Variants in BICD1 observed in about 807,000 individuals in gnomAD.
BICD1 encodes the protein protein bicaudal D homolog 1.
BICD1 carries 35 observed loss-of-function variants against 92.5 expected under a neutral mutation model. The ratio of observed to expected loss-of-function variants is 0.38; its 90% CI spans 0.29 to 0.50. The LOEUF (loss-of-function observed/expected upper bound fraction) is 0.50. BICD1 is among the 20% of genes least tolerant of loss of function. The pLI is 0.93. For synonymous variants in BICD1, 429 were observed against 465.1 expected, an observed-to-expected ratio of 0.92 and a Z score of 1.00; for missense variants, 950 against 1,189.8, an observed-to-expected ratio of 0.80 and a Z score of 2.97.
chr12:32,159,334 G>A (rs541035770), intron 1 of BICD1, among the ~76,000 whole-genome samples: 1 of 152,266 alleles, frequency 6.6e-6, no homozygotes, highest in Non-Finnish European at 1.5e-5. Flanking sequence ...CACAGAATCT[G>A]CTCTTCAGGC....
chr12:32,338,980 G>C lies in BICD1; in HGVS notation c.2764+1G>C, dbSNP rs780684968. 11 of 1,586,348 alleles carry C rather than the reference G, an allele frequency of 6.9e-6. No individual in the cohort carries two copies. The Admixed American group carries it at 1.9e-4, about 27-fold the overall frequency. On this transcript the variant is annotated splice_donor_variant, in intron 8 of 9. Coordinates refer to ENST00000652176, the MANE Select transcript of BICD1 (RefSeq NM_001714.4). LOFTEE classifies it high-confidence loss of function. ...AAAAGGTTAACCGTGGCTCCACCAGGTAAACATTTTTTCCTTGGGTGCATG... is the reference window on the plus strand; with the variant it reads ...AAAAGGTTAACCGTGGCTCCACCAGCTAAACATTTTTTCCTTGGGTGCATG...
At chr12:32,224,904 G>T (rs1250174139) in intron 2 of BICD1, among the ~76,000 whole-genome samples, 1 of 152,174 alleles carries the variant, frequency 6.6e-6, no homozygotes, top group African/African-American at 2.4e-5. Context: ...GTTTCACTAT[G>T]TTGGCCAGGC....
Position 32,374,239 on chromosome 12 carries a change from GA to G in BICD1, c.2841-3293del, listed in dbSNP as rs1014235542. Among the ~76,000 whole-genome samples, 8 of 150,784 alleles carry G rather than the reference GA, an allele frequency of 5.3e-5. No homozygotes were observed. In the East Asian group the frequency reaches 5.8e-4, roughly 11 times the overall value. The stretch of plus-strand genomic sequence containing the variant: ...AAAAAAAAAAGAAAAGAAAAGAAAA[GA>G]AAAAAAAGCCATATCTTTCTTGTGT... On this transcript the variant is annotated intron_variant, in intron 9 of 9. Transcript: ENST00000652176.
chr12:32,185,229 A>C (rs1311850174), intron 1 of BICD1, among the ~76,000 whole-genome samples: 3 of 152,180 alleles, frequency 2.0e-5, no homozygotes, highest in African/African-American at 7.2e-5. Context: ...ATTCTCTACC[A>C]CTCACAGGAA....
At chr12:32,181,985 T>A (rs1944284450) in intron 1 of BICD1, among the ~76,000 whole-genome samples, 1 of 152,026 alleles carries the variant, frequency 6.6e-6, no homozygotes, top group African/African-American at 2.4e-5. Context: ...AGATGCATTC[T>A]GTTTACAAAG....
intron 2 of BICD1, among the ~76,000 whole-genome samples, chr12:32,241,853 A>T (rs1946245148): frequency 1.3e-5 from 2 of 152,024 alleles, no homozygotes; most frequent in Non-Finnish European, 2.9e-5. Flanking sequence ...CTAGATTTCC[A>T]GGAAATTTTA....
chr12:32,235,923 G>A lies in BICD1; in HGVS notation c.426+19464G>A, dbSNP rs183918372. ...TCACCATGTTGGCCAGACTGGTCTC[G>A]ATCTCTTGACCTCGTGATCTGCCCT... On this transcript the variant is annotated intron_variant, in intron 2 of 9. Coordinates refer to ENST00000652176, the MANE Select transcript of BICD1 (RefSeq NM_001714.4). Among the ~76,000 whole-genome samples, 245 of 148,582 alleles carry A rather than the reference G, an allele frequency of 1.6e-3. 1 individual carries two copies. The highest frequency in any genetic ancestry group is 5.8e-3 in the African/African-American group (228 of 39,140).
chr12:32,360,858 T>C (rs1939298200), intron 8 of BICD1, among the ~76,000 whole-genome samples: 1 of 152,174 alleles, frequency 6.6e-6, no homozygotes, highest in Admixed American at 6.5e-5. Flanking sequence ...GAGAAATAAA[T>C]GCTAAATGAC....
At chr12:32,157,904 C>T in intron 1 of BICD1, among the ~76,000 whole-genome samples, 1 of 152,116 alleles carries the variant, frequency 6.6e-6, no homozygotes. Flanking sequence ...TGGCTCCCCA[C>T]TATTAGCTGT....
intron 1 of BICD1, among the ~76,000 whole-genome samples, chr12:32,191,478 G>A (rs1183506778): frequency 6.6e-6 from 1 of 150,992 alleles, no homozygotes; most frequent in African/African-American, 2.4e-5. Flanking sequence ...AAGTCTGTTG[G>A]CAACGTTTTT....
intron 1 of BICD1, among the ~76,000 whole-genome samples, chr12:32,176,060 A>G (rs1045494809): frequency 3.3e-5 from 5 of 152,198 alleles, no homozygotes; most frequent in African/African-American, 9.7e-5. Flanking sequence ...CTGTGTCAGT[A>G]TTCTCTTCCT....
chr12:32,363,997 TCATCACCATCAC>T (rs57082753), intron 8 of BICD1, among the ~76,000 whole-genome samples: 8,632 of 151,328 alleles, frequency 0.057, 280 homozygotes, highest in South Asian at 0.13. Flanking sequence ...GATGCTGTCA[TCATCACCATCAC>T]CATCACCATC....
intron 1 of BICD1, among the ~76,000 whole-genome samples, chr12:32,161,347 A>G (rs1203489568): frequency 3.9e-5 from 6 of 152,256 alleles, no homozygotes; most frequent in East Asian, 3.8e-4. Flanking sequence ...TGGTATGTCA[A>G]TATGACCAAT....
chr12:32,221,227 A>G (rs1269411916), intron 2 of BICD1, among the ~76,000 whole-genome samples: 1 of 151,878 alleles, frequency 6.6e-6, no homozygotes, highest in East Asian at 1.9e-4. Context: ...CATGTGCCCT[A>G]AAACTTTAAG....
chr12:32,324,286 C>T (rs548196128), intron 4 of BICD1, among the ~76,000 whole-genome samples: 52 of 144,314 alleles, frequency 3.6e-4, no homozygotes, highest in African/African-American at 1.2e-3. Context: ...ACCCGGGAGG[C>T]GGAGGTTGCA....
In BICD1 at chr12:32,295,577, A is replaced by T. The variant is rs536551003; in HGVS notation, c.579+1431A>T. 6.8e-5 allele frequency among the ~76,000 whole-genome samples: 10 copies of T among 147,554 alleles called. No homozygotes were observed. In the East Asian group the frequency reaches 1.0e-3, roughly 15 times the overall value. On this transcript the variant is annotated intron_variant, in intron 3 of 9. Coordinates refer to ENST00000652176, the MANE Select transcript of BICD1 (RefSeq NM_001714.4). ...TACACTGATTGATTGATTGATTGAT[A>T]GATATAAGGGTTAAGAGGGAAAAGA...
chr12:32,138,043 C>A (rs1020513227), intron 1 of BICD1, among the ~76,000 whole-genome samples: 2 of 152,172 alleles, frequency 1.3e-5, no homozygotes, highest in Non-Finnish European at 2.9e-5. Context: ...AGGCAATCCG[C>A]CTGCCTTGGC....
At chr12:32,307,206 A>G (rs911338457) in intron 4 of BICD1, among the ~76,000 whole-genome samples, 3 of 152,152 alleles carry the variant, frequency 2.0e-5, no homozygotes, top group Non-Finnish European at 4.4e-5. Context: ...AAAAGACGTA[A>G]AGGACTTCCT....
At chr12:32,276,788 G>C (rs1247458979) in intron 2 of BICD1, among the ~76,000 whole-genome samples, 2 of 152,136 alleles carry the variant, frequency 1.3e-5, no homozygotes, top group Admixed American at 1.3e-4. Context: ...TTAAAAAACT[G>C]CCTCTTTTCT....
Sources: allele counts gnomAD v4.1 joint callset (sites outside exome capture counted in the v4.1 genomes callset), GRCh38; gene constraint gnomAD v4.1.1; transcripts MANE v1.5; gene names NCBI Gene and HGNC (gene_info 2026-07-23, HGNC 2026-07-21).